The following HYDIN variants were observed in gnomAD, a reference collection of about 807,000 sequenced individuals.
The protein encoded by HYDIN is axonemal central pair apparatus protein HYDIN.
Under a neutral mutation model 403.9 loss-of-function variants are expected in HYDIN, and 132 were observed. That is an observed-to-expected ratio of 0.33 (90% CI 0.28 to 0.38). HYDIN has a LOEUF of 0.38. Among genes scored for constraint, HYDIN ranks in the 10% least tolerant of loss-of-function variants. The pLI, the probability that HYDIN is intolerant of heterozygous loss-of-function variation, is 1.00. For synonymous variants in HYDIN, 1,202 were observed against 1,891.7 expected (o/e 0.64, Z 9.46); for missense variants, 2,827 against 5,009.5 (o/e 0.56, Z 13.15).
intron 12 of HYDIN, among the ~76,000 whole-genome samples, chr16:71,086,040 AT>A (rs1279372120): frequency 2.0e-5 from 3 of 151,934 alleles, no homozygotes; most frequent in Non-Finnish European, 4.4e-5. Context: ...CATGCTACTT[AT>A]TTTCTATATG....
chr16:71,139,095 G>GAAAAAAAAAAAA (rs71758936), intron 7 of HYDIN, among the ~76,000 whole-genome samples: 8 of 103,814 alleles, frequency 7.7e-5, no homozygotes, highest in East Asian at 3.0e-4. Flanking sequence ...AAATAAAGAA[G>GAAAAAAAAAAAA]AAAAAAAAAA....
intron 23 of HYDIN, among the ~76,000 whole-genome samples, chr16:71,005,540 C>A (rs868767893): frequency 6.6e-6 from 1 of 152,072 alleles, no homozygotes; most frequent in Non-Finnish European, 1.5e-5. Context: ...AAATAAATAT[C>A]TCTTGTTTAA....
rs2079794074 is a variant in HYDIN, at chr16:71,003,598, G to C, written c.3645-11388C>G. ...GTGGATCACCTGAAGTCAGCAGTTT[G>C]AGACCAGCCTGACCAACATGGTAAA... is the stretch of plus-strand genomic sequence containing the variant. On this transcript the variant is annotated intron_variant, in intron 23 of 85. Transcript: ENST00000393567. Among the ~76,000 whole-genome samples, 3 of 151,536 alleles carry C rather than the reference G, an allele frequency of 2.0e-5. No individual in the cohort carries two copies. In the South Asian group the frequency reaches 6.3e-4, roughly 32 times the overall value.
intron 23 of HYDIN, among the ~76,000 whole-genome samples, chr16:70,997,080 G>A (rs551023465): frequency 1.4e-4 from 22 of 151,844 alleles, no homozygotes; most frequent in African/African-American, 5.3e-4. Flanking sequence ...CTCATAAGGA[G>A]CATGCAACCA....
intron 73 of HYDIN, among the ~76,000 whole-genome samples, chr16:70,851,095 T>C (rs1489655964): frequency 1.4e-5 from 2 of 144,826 alleles, no homozygotes; most frequent in African/African-American, 5.2e-5. Context: ...GAAGAAAACG[T>C]AGAAAACACC....
At chr16:71,111,412 C>T (rs929735722) in intron 10 of HYDIN, among the ~76,000 whole-genome samples, 2 of 152,130 alleles carry the variant, frequency 1.3e-5, no homozygotes, top group African/African-American at 4.8e-5. Context: ...GGAAGATGCC[C>T]GGAAACCACT....
chr16:70,833,096 A>G, intron 79 of HYDIN, 29 bp from the exon 80 acceptor site: 3 of 1,584,838 alleles, frequency 1.9e-6, no homozygotes, highest in Non-Finnish European at 1.7e-6. Context: ...GAAAAGAAAG[A>G]GAGTTTATGG....
chr16:70,949,122 G>T (rs1227954766), intron 41 of HYDIN, among the ~76,000 whole-genome samples: 1 of 152,032 alleles, frequency 6.6e-6, no homozygotes, highest in Non-Finnish European at 1.5e-5. Context: ...GGAATACTAT[G>T]CAGCCATAAA....
intron 45 of HYDIN, among the ~76,000 whole-genome samples, chr16:70,931,394 A>G (rs1285081238): frequency 6.6e-6 from 1 of 151,408 alleles, no homozygotes; most frequent in East Asian, 1.9e-4. Flanking sequence ...GATTCCTGAC[A>G]ATATATCCAC....
At chr16:71,124,039 T>C (rs566681828) in intron 9 of HYDIN, among the ~76,000 whole-genome samples, 1,685 of 151,220 alleles carry the variant, frequency 0.011, 34 homozygotes, top group African/African-American at 0.038. Context: ...AATGAACACC[T>C]CTGGGGTCTC....
intron 8 of HYDIN, 103 bp from the exon 9 acceptor site, chr16:71,129,926 A>T: frequency 6.9e-7 from 1 of 1,441,550 alleles, no homozygotes; most frequent in Non-Finnish European, 9.3e-7. Flanking sequence ...CTCAGCCACC[A>T]CCCTGGGGTG....
intron 10 of HYDIN, among the ~76,000 whole-genome samples, chr16:71,110,324 T>C: frequency 7.1e-6 from 1 of 141,356 alleles, no homozygotes; most frequent in East Asian, 2.0e-4. Context: ...AAAATTTATA[T>C]CTAAATAAGT....
intron 52 of HYDIN, among the ~76,000 whole-genome samples, chr16:70,902,805 ATATATATATATATATATTTTTT>A (rs1394641253): frequency 1.2e-4 from 2 of 16,892 alleles, no homozygotes; most frequent in African/African-American, 4.7e-4. Flanking sequence ...ATATATATAT[ATATATATATATATATATTTTTT>A]TTTTTTTTTT....
At chr16:71,230,455 G>A in intron 1 of HYDIN, 107 bp downstream of exon 1, 1 of 1,334,838 alleles carries the variant, frequency 7.5e-7, no homozygotes, top group Non-Finnish European at 9.9e-7. Flanking sequence ...AAAGTCTGGA[G>A]AACGCCTGGG....
rs1233646407 is a variant in HYDIN, at chr16:71,217,056, G to C, written c.-24+13506C>G. ...ATAGCAGTAGGTACCTTTTGGACAG[G>C]TTCCTGTAAGTCTCCAGTTAAATGA... is the stretch of plus-strand genomic sequence containing the variant. On this transcript the variant is annotated intron_variant, in intron 1 of 85. Transcript: ENST00000393567. 1.3e-5 allele frequency among the ~76,000 whole-genome samples: 2 copies of C among 152,200 alleles called. 1 individual carries two copies.
intron 48 of HYDIN, 62 bp from the exon 49 acceptor site, chr16:70,908,496 G>A: frequency 1.5e-6 from 2 of 1,361,860 alleles, no homozygotes; most frequent in Non-Finnish European, 1.0e-6. Context: ...GAGAAGACAG[G>A]AGAGCTGCCT....
At chr16:71,103,869 T>G (rs1444557615) in intron 10 of HYDIN, among the ~76,000 whole-genome samples, 71 of 152,322 alleles carry the variant, frequency 4.7e-4, no homozygotes, top group African/African-American at 1.7e-3. Flanking sequence ...ATTAAGATAT[T>G]ATTGAATAGC....
chr16:70,814,191 G>C (rs1198348912), intron 84 of HYDIN, among the ~76,000 whole-genome samples: 1 of 152,062 alleles, frequency 6.6e-6, no homozygotes, highest in Non-Finnish European at 1.5e-5. Context: ...AGATCTACTA[G>C]GTTAACAGCA....
intron 5 of HYDIN, among the ~76,000 whole-genome samples, chr16:71,165,468 G>A: frequency 6.7e-6 from 1 of 150,178 alleles, no homozygotes; most frequent in African/African-American, 2.5e-5. Context: ...CTTTAGTCTT[G>A]CCCAGAGCCA....
Sources: gnomAD v4.1 joint callset for allele counts (sites outside exome capture counted in the v4.1 genomes callset) on GRCh38, gnomAD v4.1.1 for gene constraint, MANE v1.5 for transcripts, NCBI Gene and HGNC (gene_info 2026-07-23, HGNC 2026-07-21) for gene names.